ARID3A: variants seen among roughly 807,000 people sequenced by gnomAD.
ARID3A encodes the protein AT-rich interaction domain 3A, also known as AT-rich interactive domain-containing protein 3A.
ARID3A carries 11 observed loss-of-function variants against 52.7 expected under a neutral mutation model. The observed-to-expected ratio is 0.21, with a 90% CI of 0.13 to 0.35. The LOEUF (loss-of-function observed/expected upper bound fraction) is 0.35. Among genes scored for constraint, ARID3A ranks in the 10% least tolerant of loss-of-function variants. The pLI is 1.00. For synonymous variants in ARID3A, 404 were observed against 359.4 expected (o/e 1.12, Z -1.40); for missense variants, 721 against 838.5 (o/e 0.86, Z 1.73).
Position 971,899 on chromosome 19 carries a change from C to A in ARID3A, c.1616C>A (p.Pro539Gln), listed in dbSNP as rs145475596. The change falls in exon 9 of 9, where the codon CCG becomes CAG. Residue 539 changes from proline to glutamine, a missense_variant. By Grantham distance (76) the Pro-to-Gln change is moderately conservative. Coordinates refer to ENST00000263620, the MANE Select transcript of ARID3A (RefSeq NM_005224.3). ...MYTGVLFAQPPAPTPTSAPNK... is the reference protein window; with the variant it reads ...MYTGVLFAQPQAPTPTSAPNK... ...TTAGGAGTTCTGTTTGCTCAGCCGC[C>A]GGCCCCCACGCCAACCTCTGCTCCC... 1 of 1,602,506 alleles carries A rather than the reference C, an allele frequency of 6.2e-7. No homozygotes were observed. Among genetic ancestry groups the A allele is most frequent in the East Asian group, 2.3e-5 (1 of 42,808 alleles).
chr19:954,422 C>T (rs571490641), intron 3 of ARID3A, among the ~76,000 whole-genome samples: 1 of 152,380 alleles, frequency 6.6e-6, no homozygotes, highest in East Asian at 1.9e-4. Context: ...CAGGCCTGCC[C>T]TGTGGCCCCG....
chr19:937,430 G>A (rs1005585679), intron 3 of ARID3A, among the ~76,000 whole-genome samples: 5 of 152,164 alleles, frequency 3.3e-5, no homozygotes, highest in Non-Finnish European at 5.9e-5. Flanking sequence ...TGGATGTGCC[G>A]TATTGTGTTT....
chr19:946,863 G>A (rs932737170), intron 3 of ARID3A, among the ~76,000 whole-genome samples: 3 of 151,684 alleles, frequency 2.0e-5, no homozygotes, highest in African/African-American at 4.8e-5. Flanking sequence ...ATGTCATCTC[G>A]GCTCACTGCA....
chr19:949,818 G>A (rs1261405292), intron 3 of ARID3A, among the ~76,000 whole-genome samples: 2 of 151,962 alleles, frequency 1.3e-5, no homozygotes, highest in Non-Finnish European at 2.9e-5. Context: ...TGGAATTACA[G>A]GGGTTCACCA....
At chr19:933,846 TGGGG>T (rs1555726109) in intron 3 of ARID3A, among the ~76,000 whole-genome samples, 1 of 43,262 alleles carries the variant, frequency 2.3e-5, no homozygotes, top group Admixed American at 2.5e-4. Flanking sequence ...GGGGACTCGG[TGGGG>T]GGGGGGGGCG....
chr19:928,033 G>T (rs927896363), intron 1 of ARID3A, among the ~76,000 whole-genome samples: 5 of 152,214 alleles, frequency 3.3e-5, no homozygotes, highest in Non-Finnish European at 7.4e-5. Flanking sequence ...ACACTGACCT[G>T]GGTGGGGTCG....
Position 974,980 on chromosome 19 carries a change from C to T in ARID3A, c.*2915C>T, listed in dbSNP as rs1196662910. 2.6e-5 allele frequency: 6 copies of T among 232,356 alleles called. No homozygotes were observed. The highest frequency in any genetic ancestry group is 1.8e-4 in the South Asian group (1 of 5,524). The allele number at this position is 232,356 out of a possible 1,614,324, so 14.4% of individuals were successfully genotyped here. A position where few individuals can be genotyped will look rare whatever the true frequency, so the allele number is the denominator to read the frequency against. ...AGGCGGTTGCAGAGGGTCTATGGGG[C>T]CCGGTCCTGGATACTCGGCAGGAAG... On this transcript the variant is annotated 3_prime_UTR_variant, in exon 9 of 9. Transcript: ENST00000263620.
intron 3 of ARID3A, among the ~76,000 whole-genome samples, chr19:955,383 G>A (rs1176011622): frequency 6.6e-6 from 1 of 152,212 alleles, no homozygotes; most frequent in Admixed American, 6.5e-5. Context: ...GCCAGCAGCT[G>A]GGGCCCCCGC....
chr19:939,448 C>G (rs2037501320), intron 3 of ARID3A, among the ~76,000 whole-genome samples: 1 of 152,140 alleles, frequency 6.6e-6, no homozygotes, highest in Non-Finnish European at 1.5e-5. Context: ...AGAAGTAACA[C>G]TTGACACTCT....
In ARID3A at chr19:933,627, C is replaced by T. The variant is rs566462731; in HGVS notation, c.693+885C>T. On this transcript the variant is annotated intron_variant, in intron 3 of 8. Coordinates refer to ENST00000263620, the MANE Select transcript of ARID3A (RefSeq NM_005224.3). Reference sequence around the variant, plus strand: ...CCTTCGGCCCTGGGCTTCCAGAATCCGCTCTGAGGAGCCTCCTAGGAGGGG... The same window carrying T: ...CCTTCGGCCCTGGGCTTCCAGAATCTGCTCTGAGGAGCCTCCTAGGAGGGG... Among the ~76,000 whole-genome samples, 144 of 152,142 alleles carry T rather than the reference C, an allele frequency of 9.5e-4. 1 individual carries two copies. The highest frequency in any genetic ancestry group is 3.3e-3 in the African/African-American group (135 of 41,524).
chr19:975,620 T>C lies in ARID3A; in HGVS notation c.*3555T>C. 1 of 212,086 alleles carries C rather than the reference T, an allele frequency of 4.7e-6. No individual in the cohort carries two copies. The highest frequency in any genetic ancestry group is 6.9e-5 in the East Asian group (1 of 14,428). 13.1% of individuals were successfully genotyped at this position (212,086 alleles called of 1,614,324 possible). Reference sequence around the variant, plus strand: ...AAAAAAAAAAAAACTTAAAAAAATTTTTAAAAAACATAAAACTACTCTCTA... The same window carrying C: ...AAAAAAAAAAAAACTTAAAAAAATTCTTAAAAAACATAAAACTACTCTCTA... On this transcript the variant is annotated 3_prime_UTR_variant, in exon 9 of 9. Transcript: ENST00000263620.
At chr19:958,808 G>A (rs2037979145) in intron 3 of ARID3A, among the ~76,000 whole-genome samples, 1 of 152,166 alleles carries the variant, frequency 6.6e-6, no homozygotes, top group Non-Finnish European at 1.5e-5. Context: ...CAGGAGAATG[G>A]AGTGAACCCG....
At position 966,825 on chromosome 19, in the gene ARID3A, C is replaced by T. The variant is rs143934315; in HGVS notation, c.1452C>T (p.Ala484=). 364 of 1,613,290 alleles carry T rather than the reference C, an allele frequency of 2.3e-4. No homozygotes were observed. Among genetic ancestry groups the T allele is most frequent in the Non-Finnish European group, 2.8e-4 (326 of 1,179,738 alleles). The part of the protein sequence containing the change: ...MQRALQQNFL[A]MAAQLPMSIR... ...GTGCACTCCAGCAGAACTTCCTGGCCATGGCGGCCCAGCTGCCCATGAGCA... is the reference window on the plus strand; with the variant it reads ...GTGCACTCCAGCAGAACTTCCTGGCTATGGCGGCCCAGCTGCCCATGAGCA... The change falls in exon 7 of 9, where the codon GCC becomes GCT. Residue 484 remains alanine, a synonymous_variant. Transcript: ENST00000263620.
At chr19:943,288 C>T (rs966973581) in intron 3 of ARID3A, among the ~76,000 whole-genome samples, 20 of 149,024 alleles carry the variant, frequency 1.3e-4, no homozygotes, top group South Asian at 2.1e-4. Context: ...AAAAAAAGGA[C>T]GGGCGCGCAG....
At chr19:932,986 C>T (rs182535282) in intron 3 of ARID3A, among the ~76,000 whole-genome samples, 3 of 152,262 alleles carry the variant, frequency 2.0e-5, no homozygotes, top group Non-Finnish European at 4.4e-5. Flanking sequence ...CTGGGGGGCT[C>T]CACGGCCCCC....
chr19:949,855 T>A (rs562702534), intron 3 of ARID3A, among the ~76,000 whole-genome samples: 1 of 151,544 alleles, frequency 6.6e-6, no homozygotes, highest in Non-Finnish European at 1.5e-5. Flanking sequence ...TTTGTATTTT[T>A]AGTAGAGACG....
intron 4 of ARID3A, among the ~76,000 whole-genome samples, chr19:961,329 G>T (rs892530241): frequency 2.6e-5 from 4 of 151,868 alleles, no homozygotes; most frequent in Non-Finnish European, 4.4e-5. Flanking sequence ...TGGGCCCCCT[G>T]GCCCACACTG....
intron 1 of ARID3A, chr19:928,894 C>G (rs953223586): frequency 5.9e-5 from 9 of 152,224 alleles, no homozygotes; most frequent in African/African-American, 1.9e-4. Context: ...CTGGGCCGCT[C>G]CAACAGGGAC....
intron 3 of ARID3A, among the ~76,000 whole-genome samples, chr19:949,196 AGGGGT>A (rs201688899): frequency 0.044 from 6,722 of 152,116 alleles, 302 homozygotes; most frequent in African/African-American, 0.12. Context: ...GCAGGGCCCC[AGGGGT>A]GTGGGGAGGC....
Sources: gnomAD v4.1 joint callset for allele counts (sites outside exome capture counted in the v4.1 genomes callset) on GRCh38, gnomAD v4.1.1 for gene constraint, MANE v1.5 for transcripts, NCBI Gene and HGNC (gene_info 2026-07-23, HGNC 2026-07-21) for gene names.